Variants in SLC44A1 observed in about 807,000 individuals in gnomAD.
SLC44A1 encodes the protein choline transporter-like protein 1.
In SLC44A1, 26 loss-of-function variants were observed where a neutral mutation model predicts 79.3. The ratio of observed to expected loss-of-function variants is 0.33; its 90% CI spans 0.24 to 0.46. The LOEUF is 0.46. Among genes scored for constraint, SLC44A1 ranks in the 20% least tolerant of loss-of-function variants. The pLI is 1.00. For missense variants in SLC44A1, 688 were observed against 798.1 expected (o/e 0.86, Z 1.66); for synonymous variants, 263 against 286.2 (o/e 0.92, Z 0.82).
intron 1 of SLC44A1, among the ~76,000 whole-genome samples, chr9:105,294,055 C>G (rs1469286657): frequency 4.6e-5 from 7 of 152,146 alleles, no homozygotes; most frequent in Admixed American, 4.6e-4. Flanking sequence ...TATGTGCCAG[C>G]TGTGGTCTGA....
At chr9:105,375,038 GTTGT>G (rs371214617) in intron 13 of SLC44A1, among the ~76,000 whole-genome samples, 111 of 152,202 alleles carry the variant, frequency 7.3e-4, no homozygotes, top group African/African-American at 2.0e-3. Flanking sequence ...TTTTTTTGTT[GTTGT>G]TTGTTTGTTT....
At chr9:105,244,963 C>CG in intron 1 of SLC44A1, 59 bp downstream of exon 1, 1 of 830,366 alleles carries the variant, frequency 1.2e-6, no homozygotes. Context: ...CCGCGTCGCG[C>CG]GGCGGGCGCC....
chr9:105,276,063 C>T (rs1830193456), intron 1 of SLC44A1, among the ~76,000 whole-genome samples: 2 of 152,114 alleles, frequency 1.3e-5, no homozygotes, highest in African/African-American at 4.8e-5. Context: ...ACCTCGGTCT[C>T]CCAAAGTGCT....
Position 105,392,142 on chromosome 9 carries a change from A to G in SLC44A1, c.*3086A>G, listed in dbSNP as rs568534958. ...AATTTAGCTAGAGCACTGAGATTGT[A>G]TAATCCTTGCATGGATGAGCAGAGC... On this transcript the variant is annotated 3_prime_UTR_variant, in exon 16 of 16. Transcript: ENST00000374720. 2 of 985,416 alleles carry G rather than the reference A, an allele frequency of 2.0e-6. No individual in the cohort carries two copies. The highest frequency in any genetic ancestry group is 1.1e-4 in the East Asian group (1 of 8,820). 61.0% of individuals were successfully genotyped at this position (985,416 alleles called of 1,614,324 possible). A position where few individuals can be genotyped will look rare whatever the true frequency, so the allele number is the denominator to read the frequency against.
chr9:105,420,339 T>A (rs551316129), intron 15 of SLC44A1, among the ~76,000 whole-genome samples: 2 of 152,330 alleles, frequency 1.3e-5, no homozygotes, highest in South Asian at 2.1e-4. Context: ...TGACTTTTTT[T>A]ATTTACAAAA....
chr9:105,306,881 C>G (rs6479305), intron 2 of SLC44A1, among the ~76,000 whole-genome samples: 32,870 of 152,034 alleles, frequency 0.22, 6,345 homozygotes, highest in African/African-American at 0.52. Context: ...TTTTAATTAT[C>G]TAACAACTTT....
In SLC44A1 at chr9:105,394,143, C is replaced by A; in HGVS notation, c.*5087C>A. On this transcript the variant is annotated 3_prime_UTR_variant, in exon 16 of 16. Coordinates refer to ENST00000374720, the MANE Select transcript of SLC44A1 (RefSeq NM_080546.5). ...CGGCCAGCTTCCACCCCTGTACCCC[C>A]TCAGGGGCTAATGAACCCAAGTCAA... 2 of 985,364 alleles carry A rather than the reference C, an allele frequency of 2.0e-6. No individual in the cohort carries two copies. Among genetic ancestry groups the A allele is most frequent in the Non-Finnish European group, 2.4e-6 (2 of 829,928 alleles). The allele number at this position is 985,364 out of a possible 1,614,324, so 61.0% of individuals were successfully genotyped here.
At chr9:105,345,945 T>C (rs150908634) in intron 4 of SLC44A1, among the ~76,000 whole-genome samples, 4 of 151,522 alleles carry the variant, frequency 2.6e-5, no homozygotes, top group African/African-American at 9.7e-5. Flanking sequence ...TTTGTCTTAC[T>C]GGTTATATCC....
At position 105,393,135 on chromosome 9, in the gene SLC44A1, G is replaced by C; in HGVS notation, c.*4079G>C. ...GTGAATGTATATTGAAAAAATGTGG[G>C]TTCATAAGTAAAAGCGTAACGCAGA... is the stretch of plus-strand genomic sequence containing the variant. On this transcript the variant is annotated 3_prime_UTR_variant, in exon 16 of 16. Coordinates refer to ENST00000374720, the MANE Select transcript of SLC44A1 (RefSeq NM_080546.5). 1 of 985,420 alleles carries C rather than the reference G, an allele frequency of 1.0e-6. No individual in the cohort carries two copies. The highest frequency in any genetic ancestry group is 1.2e-6 in the Non-Finnish European group (1 of 829,908). The allele number at this position is 985,420 out of a possible 1,614,324, so 61.0% of individuals were successfully genotyped here. A position where few individuals can be genotyped will look rare whatever the true frequency, so the allele number is the denominator to read the frequency against.
chr9:105,342,779 ACCAGATG>A (rs1465041360), intron 4 of SLC44A1, among the ~76,000 whole-genome samples: 4 of 152,156 alleles, frequency 2.6e-5, no homozygotes, highest in Admixed American at 2.6e-4. Context: ...CATGGACTGC[ACCAGATG>A]CTTTGCGTAT....
Position 105,346,775 on chromosome 9 carries a change from A to T in SLC44A1, c.407-1583A>T, listed in dbSNP as rs1827258626. On this transcript the variant is annotated intron_variant, in intron 4 of 15. Coordinates refer to ENST00000374720, the MANE Select transcript of SLC44A1 (RefSeq NM_080546.5). Reference sequence around the variant, plus strand: ...AAAAAATAGATCATTAAAATGGAAAAGAATAGTCAAGCACAATTTTTAAAA... The same window carrying T: ...AAAAAATAGATCATTAAAATGGAAATGAATAGTCAAGCACAATTTTTAAAA... 2.6e-5 allele frequency among the ~76,000 whole-genome samples: 4 copies of T among 152,246 alleles called. No individual in the cohort carries two copies. In the South Asian group the frequency reaches 8.3e-4, roughly 32 times the overall value.
In SLC44A1 at chr9:105,244,830, G is replaced by C. The variant is rs1201534265; in HGVS notation, c.-39G>C. ...TGCCGAGGGGCTCCGGGGCGTAGCT[G>C]CGCGCCCGGCGCCGCCTCCGGGCTC... On this transcript the variant is annotated 5_prime_UTR_variant, in exon 1 of 16. Coordinates refer to ENST00000374720, the MANE Select transcript of SLC44A1 (RefSeq NM_080546.5). 3 of 1,098,578 alleles carry C rather than the reference G, an allele frequency of 2.7e-6. No homozygotes were observed. Among genetic ancestry groups the C allele is most frequent in the Admixed American group, 5.1e-5 (1 of 19,614 alleles). 68.1% of individuals were successfully genotyped at this position (1,098,578 alleles called of 1,614,324 possible). A position where few individuals can be genotyped will look rare whatever the true frequency, so the allele number is the denominator to read the frequency against.
chr9:105,322,997 C>T (rs891083171), intron 3 of SLC44A1, among the ~76,000 whole-genome samples: 10 of 150,268 alleles, frequency 6.7e-5, no homozygotes, highest in African/African-American at 1.7e-4. Context: ...TCAAGGCGGG[C>T]GGGTTACTTG....
chr9:105,262,249 C>T (rs1829859203), intron 1 of SLC44A1, among the ~76,000 whole-genome samples: 1 of 152,128 alleles, frequency 6.6e-6, no homozygotes, highest in Non-Finnish European at 1.5e-5. Flanking sequence ...GTTTGTGCTT[C>T]ACTGGTAAGG....
chr9:105,253,837 G>A, intron 1 of SLC44A1, among the ~76,000 whole-genome samples: 1 of 152,040 alleles, frequency 6.6e-6, no homozygotes, highest in East Asian at 1.9e-4. Flanking sequence ...CGATTCTCCT[G>A]CCTCAGCCTC....
chr9:105,326,428 TAA>T (rs1316695232), intron 3 of SLC44A1, among the ~76,000 whole-genome samples: 1 of 152,236 alleles, frequency 6.6e-6, no homozygotes, highest in African/African-American at 2.4e-5. Context: ...TCATTTGCTA[TAA>T]GTGACTCTTG....
rs139304591 is a variant in SLC44A1, at chr9:105,251,770, A to G, written c.36+6866A>G. ...TCCCTGGCTTTTGGCTGGTTGCTTT[A>G]AGTTTCAGTCTGAAAGTCACTTCCT... On this transcript the variant is annotated intron_variant, in intron 1 of 15. Transcript: ENST00000374720. Among the ~76,000 whole-genome samples, 1,113 of 152,228 alleles carry G rather than the reference A, an allele frequency of 7.3e-3. 10 individuals are homozygous for G. The highest frequency in any genetic ancestry group is 0.025 in the African/African-American group (1,054 of 41,544).
At chr9:105,421,758 T>G (rs550143472) in intron 15 of SLC44A1, among the ~76,000 whole-genome samples, 25 of 152,178 alleles carry the variant, frequency 1.6e-4, no homozygotes, top group African/African-American at 5.8e-4. Flanking sequence ...CGGCTAATTT[T>G]TTGTATTTTT....
At chr9:105,337,654 G>A (rs2131363386) in intron 4 of SLC44A1, among the ~76,000 whole-genome samples, 1 of 152,274 alleles carries the variant, frequency 6.6e-6, no homozygotes, top group South Asian at 2.1e-4. Context: ...ATCATTCAAA[G>A]CTATGATCTA....
Sources: allele counts gnomAD v4.1 joint callset (sites outside exome capture counted in the v4.1 genomes callset), GRCh38; gene constraint gnomAD v4.1.1; transcripts MANE v1.5; gene names NCBI Gene and HGNC (gene_info 2026-07-23, HGNC 2026-07-21).